EPB41L4A: variants seen among roughly 807,000 people sequenced by gnomAD.
EPB41L4A encodes the protein erythrocyte membrane protein band 4.1 like 4A.
EPB41L4A carries 100 observed loss-of-function variants against 108.6 expected under a neutral mutation model. The observed-to-expected ratio is 0.92, with a 90% CI of 0.78 to 1.09. The LOEUF is 1.09. Among genes scored for constraint, EPB41L4A ranks in the 50% least tolerant of loss-of-function variants. The pLI is 0.00. For synonymous variants in EPB41L4A, 319 were observed against 289.0 expected, an observed-to-expected ratio of 1.10 and a Z score of -1.05; for missense variants, 1,030 against 842.7, an observed-to-expected ratio of 1.22 and a Z score of -2.75.
At chr5:112,378,088 T>C (rs368712603) in intron 1 of EPB41L4A, among the ~76,000 whole-genome samples, 18 of 152,214 alleles carry the variant, frequency 1.2e-4, no homozygotes, top group African/African-American at 4.3e-4. Context: ...AGGATTCATG[T>C]TTCCATCTGC....
intron 3 of EPB41L4A, 91 bp downstream of exon 3, chr5:112,280,181 A>G (rs1752875897): frequency 9.2e-7 from 1 of 1,082,196 alleles, no homozygotes; most frequent in Non-Finnish European, 1.4e-6. Context: ...TTCTTTCTCC[A>G]GTACTAAAGC....
Position 112,184,192 on chromosome 5 carries a change from T to G in EPB41L4A, c.1503-57A>C, listed in dbSNP as rs887952134. 8.8e-6 allele frequency: 14 copies of G among 1,594,046 alleles called. No homozygotes were observed. The African/African-American group carries it at 1.8e-4, about 20-fold the overall frequency. ...ATCTACATGGATGGCGCGTTTTAGG[T>G]TCATCCTAAACTTGCTTTTAAATGT... is the stretch of plus-strand genomic sequence containing the variant. On this transcript the variant is annotated intron_variant, in intron 17 of 22. Coordinates refer to ENST00000261486, the MANE Select transcript of EPB41L4A (RefSeq NM_022140.5).
chr5:112,197,860 T>C (rs188028115), intron 15 of EPB41L4A, among the ~76,000 whole-genome samples: 18 of 152,264 alleles, frequency 1.2e-4, no homozygotes, highest in African/African-American at 1.7e-4. Context: ...ACAGAAAAAT[T>C]TGCATGACAG....
intron 9 of EPB41L4A, among the ~76,000 whole-genome samples, chr5:112,254,210 T>G (rs2086371456): frequency 6.6e-6 from 1 of 152,228 alleles, no homozygotes; most frequent in African/African-American, 2.4e-5. Flanking sequence ...GTGTTAGGAA[T>G]TACATCCTCC....
intron 1 of EPB41L4A, among the ~76,000 whole-genome samples, chr5:112,328,371 T>TG (rs1756326182): frequency 6.6e-6 from 1 of 151,380 alleles, no homozygotes; most frequent in African/African-American, 2.4e-5. Flanking sequence ...TAGTTGCACT[T>TG]GGCTTTCCCA....
At chr5:112,149,862 T>C (rs868433744) in intron 12 of EPB41L4A, among the ~76,000 whole-genome samples, 2 of 152,158 alleles carry the variant, frequency 1.3e-5, no homozygotes, top group Admixed American at 6.5e-5. Context: ...CTCACCCCAG[T>C]GGCTTATTGC....
chr5:112,281,478 C>T (rs1190541035), intron 2 of EPB41L4A, among the ~76,000 whole-genome samples: 2 of 152,176 alleles, frequency 1.3e-5, no homozygotes, highest in African/African-American at 4.8e-5. Context: ...ATAAGGGCTG[C>T]CCTGGAGGGT....
chr5:112,259,775 T>C, intron 8 of EPB41L4A, 116 bp downstream of exon 8: 1 of 739,966 alleles, frequency 1.4e-6, no homozygotes, highest in Non-Finnish European at 2.4e-6. Flanking sequence ...TTTCACTCAT[T>C]TATTTATCAC....
At chr5:112,222,590 C>CT (rs1211365106) in intron 12 of EPB41L4A, among the ~76,000 whole-genome samples, 1 of 152,238 alleles carries the variant, frequency 6.6e-6, no homozygotes, top group Admixed American at 6.5e-5. Context: ...CCCTTCCCCT[C>CT]TCTTCTCAAA....
Position 112,264,914 on chromosome 5 carries a change from C to G in EPB41L4A, c.536G>C (p.Arg179Thr). The change falls in exon 6 of 23, where the codon AGG (arginine) becomes ACG (threonine). Residue 179 changes from arginine to threonine, a missense_variant. Transcript: ENST00000261486. ...QKEELEEAIERIHKTLMGQIP... is the reference protein window; with the variant it reads ...QKEELEEAIETIHKTLMGQIP... ...TTCTTACATTAGAGTTTTATGAATC[C>G]TTTCTATGGCTTCTTCAAGTTCTTC... 6.2e-7 allele frequency: 1 copy of G among 1,611,058 alleles called. No homozygotes were observed. The highest frequency in any genetic ancestry group is 2.2e-5 in the East Asian group (1 of 44,602).
intron 1 of EPB41L4A, among the ~76,000 whole-genome samples, chr5:112,371,024 C>T (rs1210319417): frequency 6.6e-6 from 1 of 152,214 alleles, no homozygotes; most frequent in East Asian, 1.9e-4. Flanking sequence ...GCAATACCTT[C>T]TATGCACTAA....
At chr5:112,391,299 C>A (rs779497437) in intron 1 of EPB41L4A, among the ~76,000 whole-genome samples, 9 of 152,104 alleles carry the variant, frequency 5.9e-5, no homozygotes, top group Non-Finnish European at 1.3e-4. Context: ...AAGTTCCTTG[C>A]AAACCCATCG....
chr5:112,157,202 G>A (rs1759681446), intron 12 of EPB41L4A, among the ~76,000 whole-genome samples: 1 of 151,524 alleles, frequency 6.6e-6, no homozygotes, highest in East Asian at 1.9e-4. Context: ...GATCTGTGTA[G>A]AAAGGATGGG....
intron 1 of EPB41L4A, among the ~76,000 whole-genome samples, chr5:112,381,222 T>G (rs1292986531): frequency 6.6e-6 from 1 of 152,186 alleles, no homozygotes; most frequent in African/African-American, 2.4e-5. Context: ...AATGAGATAT[T>G]AAAAAATTCA....
chr5:112,197,053 AG>A (rs1761997098), intron 15 of EPB41L4A: 1 of 152,218 alleles, frequency 6.6e-6, no homozygotes, highest in South Asian at 2.1e-4. Flanking sequence ...TCCCTCCACC[AG>A]TGCTTTGTGG....
At chr5:112,314,505 TAAAAAAAAA>T (rs552428109) in intron 1 of EPB41L4A, among the ~76,000 whole-genome samples, 98 of 55,184 alleles carry the variant, frequency 1.8e-3, no homozygotes, top group South Asian at 0.013. Context: ...CCATCGCTAC[TAAAAAAAAA>T]AAAAAAAAAA....
chr5:112,194,765 A>G, intron 16 of EPB41L4A, 120 bp from the exon 17 acceptor site: 1 of 597,832 alleles, frequency 1.7e-6, no homozygotes, highest in Admixed American at 3.3e-5. Flanking sequence ...CAATCCAAAC[A>G]TCAAGAGCTG....
At chr5:112,418,485 C>T (rs1035011535) in intron 1 of EPB41L4A, among the ~76,000 whole-genome samples, 3 of 152,166 alleles carry the variant, frequency 2.0e-5, no homozygotes, top group African/African-American at 7.2e-5. Context: ...AAAACAATCA[C>T]AATGACCCAT....
At chr5:112,225,394 T>G (rs1167659982) in intron 12 of EPB41L4A, among the ~76,000 whole-genome samples, 7 of 152,186 alleles carry the variant, frequency 4.6e-5, no homozygotes, top group Non-Finnish European at 1.0e-4. Flanking sequence ...TGATCTTATA[T>G]TGCTCTTTCT....
Sources: allele counts gnomAD v4.1 joint callset (sites outside exome capture counted in the v4.1 genomes callset), GRCh38; gene constraint gnomAD v4.1.1; transcripts MANE v1.5; gene names NCBI Gene and HGNC (gene_info 2026-07-23, HGNC 2026-07-21).